PRPSAP2: variants seen among roughly 807,000 people sequenced by gnomAD.
PRPSAP2 encodes phosphoribosyl pyrophosphate synthase-associated protein 2.
A neutral mutation model predicts 40.6 loss-of-function variants in PRPSAP2; 24 were observed. That is an observed-to-expected ratio of 0.59 (90% CI 0.43 to 0.83). PRPSAP2 has a LOEUF of 0.83. Among genes scored for constraint, PRPSAP2 ranks in the 40% least tolerant of loss-of-function variants. The pLI is 0.00. For missense variants in PRPSAP2, 292 were observed against 465.6 expected, an observed-to-expected ratio of 0.63 and a Z score of 3.43; for synonymous variants, 149 against 164.7, an observed-to-expected ratio of 0.90 and a Z score of 0.73.
At chr17:18,912,133 G>T (rs181060872) in intron 9 of PRPSAP2, among the ~76,000 whole-genome samples, 540 of 151,332 alleles carry the variant, frequency 3.6e-3, no homozygotes, top group Non-Finnish European at 6.9e-3. Context: ...GGTGAGCCGA[G>T]ATCGCGCCAT....
At chr17:18,874,672 G>A (rs2038140997) in intron 5 of PRPSAP2, among the ~76,000 whole-genome samples, 1 of 152,256 alleles carries the variant, frequency 6.6e-6, no homozygotes, top group South Asian at 2.1e-4. Flanking sequence ...AGGATTCTCA[G>A]CAGAGCTGGA....
At chr17:18,858,837 G>A (rs2036791505) in intron 1 of PRPSAP2, among the ~76,000 whole-genome samples, 2 of 136,446 alleles carry the variant, frequency 1.5e-5, no homozygotes, top group African/African-American at 2.8e-5. Context: ...ATGAAAATGC[G>A]GAATGGGGCT....
intron 1 of PRPSAP2, among the ~76,000 whole-genome samples, chr17:18,863,159 G>T (rs974920217): frequency 6.6e-6 from 1 of 151,830 alleles, no homozygotes; most frequent in African/African-American, 2.4e-5. Flanking sequence ...TTGAGACGAG[G>T]TCGCATTCCC....
intron 3 of PRPSAP2, 89 bp from the exon 4 acceptor site, chr17:18,867,193 T>C: frequency 8.0e-7 from 1 of 1,250,962 alleles, no homozygotes; most frequent in South Asian, 1.3e-5. Flanking sequence ...TTTATTTTAC[T>C]CTTATCGATT....
At chr17:18,860,179 C>T (rs1473432045) in intron 1 of PRPSAP2, among the ~76,000 whole-genome samples, 1 of 152,226 alleles carries the variant, frequency 6.6e-6, no homozygotes, top group Non-Finnish European at 1.5e-5. Context: ...CCTGCCTCAG[C>T]TGCGCAAGTA....
At chr17:18,880,844 A>T (rs1003417139) in intron 6 of PRPSAP2, among the ~76,000 whole-genome samples, 1 of 150,922 alleles carries the variant, frequency 6.6e-6, no homozygotes, top group Non-Finnish European at 1.5e-5. Flanking sequence ...TTATTTATTT[A>T]TTTTTTCGAG....
chr17:18,874,396 C>T (rs2038117819), intron 5 of PRPSAP2, among the ~76,000 whole-genome samples: 1 of 152,128 alleles, frequency 6.6e-6, no homozygotes, highest in Non-Finnish European at 1.5e-5. Context: ...ATATATAAAA[C>T]CAACGAAAGG....
chr17:18,918,304 G>A (rs2041481695), intron 9 of PRPSAP2, among the ~76,000 whole-genome samples: 1 of 152,154 alleles, frequency 6.6e-6, no homozygotes, highest in Admixed American at 6.5e-5. Flanking sequence ...ACAGCAAGAG[G>A]CCATCCTCAG....
intron 8 of PRPSAP2, among the ~76,000 whole-genome samples, chr17:18,902,307 A>G (rs2040316283): frequency 6.6e-6 from 1 of 152,116 alleles, no homozygotes; most frequent in Admixed American, 6.6e-5. Flanking sequence ...TTGAGAACCT[A>G]TTTTGCTGGG....
At chr17:18,884,229 G>A (rs1212627290) in intron 7 of PRPSAP2, among the ~76,000 whole-genome samples, 5 of 151,868 alleles carry the variant, frequency 3.3e-5, no homozygotes, top group African/African-American at 4.8e-5. Flanking sequence ...ATTGTGCCAC[G>A]GCACTCCTGC....
intron 9 of PRPSAP2, among the ~76,000 whole-genome samples, chr17:18,917,866 A>C (rs11870810): frequency 0.013 from 1,936 of 151,850 alleles, 45 homozygotes; most frequent in African/African-American, 0.045. Flanking sequence ...TTAAGCGATA[A>C]GAGTCAGTCT....
chr17:18,897,929 A>G lies in PRPSAP2; in HGVS notation c.584+8052A>G, dbSNP rs527242093. Among the ~76,000 whole-genome samples, 7 of 147,982 alleles carry G rather than the reference A, an allele frequency of 4.7e-5. No homozygotes were observed. The South Asian group carries it at 1.1e-3, about 23-fold the overall frequency. Reference sequence around the variant, plus strand: ...TCTCTTTACTCCCCCTGTTTTTAATATATTTGTCTTAAATATTTCTATACA... The same window carrying G: ...TCTCTTTACTCCCCCTGTTTTTAATGTATTTGTCTTAAATATTTCTATACA... On this transcript the variant is annotated intron_variant, in intron 8 of 11. Coordinates refer to ENST00000268835, the MANE Select transcript of PRPSAP2 (RefSeq NM_002767.4).
intron 8 of PRPSAP2, among the ~76,000 whole-genome samples, chr17:18,892,530 G>A (rs1011319396): frequency 1.3e-5 from 2 of 150,412 alleles, no homozygotes; most frequent in African/African-American, 4.9e-5. Context: ...CCTAGTGGGT[G>A]TGAAATTCTA....
intron 10 of PRPSAP2, among the ~76,000 whole-genome samples, chr17:18,926,777 A>AGTGTGT (rs71155377): frequency 0.021 from 3,074 of 148,288 alleles, 95 homozygotes; most frequent in African/African-American, 0.071. Flanking sequence ...AGTGAGTGTG[A>AGTGTGT]GTGTGTGTGT....
intron 8 of PRPSAP2, among the ~76,000 whole-genome samples, chr17:18,901,655 C>T (rs1297238127): frequency 6.6e-6 from 1 of 152,196 alleles, no homozygotes; most frequent in Admixed American, 6.5e-5. Flanking sequence ...GGATTACAGG[C>T]ATGAGCCACT....
intron 4 of PRPSAP2, among the ~76,000 whole-genome samples, chr17:18,870,203 A>G (rs1189211471): frequency 1.3e-5 from 2 of 152,092 alleles, no homozygotes; most frequent in African/African-American, 4.8e-5. Flanking sequence ...AACAGTTAAC[A>G]TTTTGCCATA....
At chr17:18,882,987 T>TC (rs1049919010) in intron 7 of PRPSAP2, among the ~76,000 whole-genome samples, 4 of 152,206 alleles carry the variant, frequency 2.6e-5, no homozygotes, top group African/African-American at 9.6e-5. Context: ...GTTTTATGTA[T>TC]CCATCTATCC....
chr17:18,887,261 A>AT (rs1230571792), intron 7 of PRPSAP2, among the ~76,000 whole-genome samples: 1 of 149,852 alleles, frequency 6.7e-6, no homozygotes, highest in East Asian at 2.0e-4. Context: ...TTAATGAAAA[A>AT]TTTTAATGAA....
At chr17:18,917,574 T>A (rs1349625047) in intron 9 of PRPSAP2, 2 of 73,354 alleles carry the variant, frequency 2.7e-5, no homozygotes, top group Non-Finnish European at 5.0e-5. Flanking sequence ...TTATTATTAT[T>A]ATTATTATTA....
Sources: gnomAD v4.1 joint callset for allele counts (sites outside exome capture counted in the v4.1 genomes callset) on GRCh38, gnomAD v4.1.1 for gene constraint, MANE v1.5 for transcripts, NCBI Gene and HGNC (gene_info 2026-07-23, HGNC 2026-07-21) for gene names.